FOLH1: variants seen among roughly 807,000 people sequenced by gnomAD.
FOLH1 encodes glutamate carboxypeptidase 2.
A neutral mutation model predicts 93.9 loss-of-function variants in FOLH1; 54 were observed. The ratio of observed to expected loss-of-function variants is 0.57; its 90% CI spans 0.46 to 0.72. FOLH1 has a LOEUF of 0.72. Among genes scored for constraint, FOLH1 ranks in the 30% least tolerant of loss-of-function variants. FOLH1 has a pLI of 0.00. For synonymous variants in FOLH1, 249 were observed against 303.6 expected (o/e 0.82, Z 1.87); for missense variants, 571 against 892.5 (o/e 0.64, Z 4.59).
At chr11:49,160,610 T>C (rs568882564) in intron 13 of FOLH1, among the ~76,000 whole-genome samples, 85 of 152,100 alleles carry the variant, frequency 5.6e-4, no homozygotes, top group Non-Finnish European at 9.6e-4. Flanking sequence ...GTCTGGCTAA[T>C]TTTTTGTATT....
intron 11 of FOLH1, 138 bp downstream of exon 11, chr11:49,171,057 A>C (rs1859198202): frequency 1.0e-6 from 1 of 977,614 alleles, no homozygotes; most frequent in Non-Finnish European, 1.4e-6. Context: ...TTGAACAAGA[A>C]TATGTTACTT....
intron 4 of FOLH1, among the ~76,000 whole-genome samples, chr11:49,191,080 C>T (rs569013359): frequency 6.6e-6 from 1 of 152,196 alleles, no homozygotes; most frequent in Admixed American, 6.5e-5. Context: ...GGCGCGATCT[C>T]GGCTCACTGC....
intron 13 of FOLH1, chr11:49,162,823 T>C (rs1857869601): frequency 6.6e-6 from 1 of 152,096 alleles, no homozygotes; most frequent in African/African-American, 2.4e-5. Flanking sequence ...TAGCCACTTT[T>C]CTGCAGGGCT....
At chr11:49,187,036 C>CCT (rs1861471026) in intron 4 of FOLH1, among the ~76,000 whole-genome samples, 1 of 140,888 alleles carries the variant, frequency 7.1e-6, no homozygotes, top group Non-Finnish European at 1.6e-5. Flanking sequence ...TACAGAAGCA[C>CCT]CCCCCCCACA....
At chr11:49,158,122 A>G in intron 13 of FOLH1, 79 bp from the exon 14 acceptor site, 1 of 1,365,636 alleles carries the variant, frequency 7.3e-7, no homozygotes, top group African/African-American at 1.5e-5. Context: ...ACCAGAAGTG[A>G]GTAACTAAGC....
chr11:49,148,508 C>T (rs1856036298), intron 18 of FOLH1, 131 bp downstream of exon 18: 4 of 627,934 alleles, frequency 6.4e-6, no homozygotes, highest in Non-Finnish European at 1.1e-5. Context: ...CTATCACTTA[C>T]TACATATATT....
intron 12 of FOLH1, among the ~76,000 whole-genome samples, chr11:49,167,620 A>C (rs1420226316): frequency 1.3e-5 from 2 of 152,068 alleles, no homozygotes; most frequent in African/African-American, 4.8e-5. Context: ...TTTGAGACCA[A>C]CCTGGGTAAT....
intron 2 of FOLH1, among the ~76,000 whole-genome samples, chr11:49,203,917 C>A (rs1043935411): frequency 6.6e-6 from 1 of 152,126 alleles, no homozygotes; most frequent in Non-Finnish European, 1.5e-5. Flanking sequence ...CAGGGAGAGG[C>A]CAGCTCTTGA....
chr11:49,169,539 C>T (rs1257428834), intron 11 of FOLH1, among the ~76,000 whole-genome samples: 1 of 152,202 alleles, frequency 6.6e-6, no homozygotes, highest in Non-Finnish European at 1.5e-5. Flanking sequence ...CTTAACCATA[C>T]TGTAGTTTAT....
At chr11:49,182,328 CAAAAA>C (rs59966842) in intron 7 of FOLH1, among the ~76,000 whole-genome samples, 1 of 59,976 alleles carries the variant, frequency 1.7e-5, no homozygotes, top group East Asian at 5.2e-4. Flanking sequence ...GACACTGTCT[CAAAAA>C]AAAAAAAAAA....
intron 6 of FOLH1, 41 bp from the exon 7 acceptor site, chr11:49,183,283 T>C (rs746822935): frequency 2.1e-5 from 32 of 1,491,278 alleles, no homozygotes; most frequent in Non-Finnish European, 2.9e-5. Flanking sequence ...AAAACTCAGT[T>C]TCATTCAAAC....
intron 14 of FOLH1, 72 bp downstream of exon 14, chr11:49,157,880 G>T: frequency 7.3e-7 from 1 of 1,367,028 alleles, no homozygotes; most frequent in Non-Finnish European, 9.8e-7. Flanking sequence ...CTTAATGATT[G>T]AAAGAAAATG....
At chr11:49,207,441 C>T (rs1490096491) in intron 1 of FOLH1, among the ~76,000 whole-genome samples, 2 of 152,208 alleles carry the variant, frequency 1.3e-5, no homozygotes, top group Admixed American at 1.3e-4. Flanking sequence ...CCATCTGGTC[C>T]ATGCCCTGTT....
At chr11:49,204,122 G>A (rs1486380957) in intron 2 of FOLH1, among the ~76,000 whole-genome samples, 2 of 152,188 alleles carry the variant, frequency 1.3e-5, no homozygotes, top group Non-Finnish European at 2.9e-5. Context: ...TTTTCCCAAG[G>A]GTTAGGAGGG....
chr11:49,173,575 C>CAAAAA, intron 9 of FOLH1, 99 bp from the exon 10 acceptor site: 2 of 656,990 alleles, frequency 3.0e-6, no homozygotes, highest in Non-Finnish European at 3.8e-6. Flanking sequence ...ACTCACGCCT[C>CAAAAA]AGAAAAAAAA....
rs1350245887 is a variant in FOLH1 at position 49,200,548 on chromosome 11, C to T, written c.225-107G>A. ...CACAAAAGTACTTTGAAGTGTGATA[C>T]GTTAAAAAATTAAAGTGGTAGTATT... On this transcript the variant is annotated intron_variant, in intron 2 of 18. Transcript: ENST00000256999. 4.9e-5 allele frequency: 60 copies of T among 1,226,384 alleles called. No homozygotes were observed. The South Asian group carries it at 5.2e-4, about 11-fold the overall frequency. The allele number at this position is 1,226,384 out of a possible 1,614,324, so 76.0% of individuals were successfully genotyped here.
chr11:49,181,337 C>T (rs1860707171), intron 7 of FOLH1, among the ~76,000 whole-genome samples: 1 of 151,924 alleles, frequency 6.6e-6, no homozygotes, highest in Non-Finnish European at 1.5e-5. Flanking sequence ...GTCCCCATCT[C>T]TTGACCTCAT....
intron 18 of FOLH1, 95 bp from the exon 19 acceptor site, chr11:49,147,040 T>G: frequency 2.2e-6 from 3 of 1,341,838 alleles, no homozygotes; most frequent in Non-Finnish European, 3.0e-6. Context: ...CATATTCCTA[T>G]AACAATTTGA....
In FOLH1 at chr11:49,153,954, T is replaced by G. The variant is rs993482340; in HGVS notation, c.1889-27A>C. 7 of 1,556,836 alleles carry G rather than the reference T, an allele frequency of 4.5e-6. No individual in the cohort carries two copies. The Admixed American group carries it at 9.2e-5, about 20-fold the overall frequency. ...TGAAATAGAAATTGGGATCATCAAATGCTTAAAGAACATAATTTCTAATGG... is the reference window on the plus strand; with the variant it reads ...TGAAATAGAAATTGGGATCATCAAAGGCTTAAAGAACATAATTTCTAATGG... On this transcript the variant is annotated intron_variant, in intron 16 of 18. Coordinates refer to ENST00000256999, the MANE Select transcript of FOLH1 (RefSeq NM_004476.3).
Sources: allele counts gnomAD v4.1 joint callset (sites outside exome capture counted in the v4.1 genomes callset), GRCh38; gene constraint gnomAD v4.1.1; transcripts MANE v1.5; gene names NCBI Gene and HGNC (gene_info 2026-07-23, HGNC 2026-07-21).